HDGFL3: variants seen among roughly 807,000 people sequenced by gnomAD.
The protein encoded by HDGFL3 is HDGF like 3, also known as hepatoma-derived growth factor-related protein 3.
HDGFL3 carries 6 observed loss-of-function variants against 27.6 expected under a neutral mutation model. The observed-to-expected ratio is 0.22, with a 90% CI of 0.12 to 0.43. The LOEUF is 0.43. Among genes scored for constraint, HDGFL3 ranks in the 20% least tolerant of loss-of-function variants. HDGFL3 has a pLI of 1.00. For missense variants in HDGFL3, 207 were observed against 250.1 expected, an observed-to-expected ratio of 0.83 and a Z score of 1.16; for synonymous variants, 88 against 88.9, an observed-to-expected ratio of 0.99 and a Z score of 0.05.
chr15:83,145,883 TCC>T (rs2036881492), intron 5 of HDGFL3, among the ~76,000 whole-genome samples: 1 of 135,166 alleles, frequency 7.4e-6, no homozygotes, highest in Admixed American at 7.6e-5. Context: ...TCTCTCTCTC[TCC>T]CTTTCTTCTT....
chr15:83,191,630 C>T (rs1394858529), intron 1 of HDGFL3, among the ~76,000 whole-genome samples: 1 of 152,056 alleles, frequency 6.6e-6, no homozygotes, highest in Non-Finnish European at 1.5e-5. Context: ...TGTTATAAAC[C>T]TTGTCAATTT....
intron 3 of HDGFL3, among the ~76,000 whole-genome samples, chr15:83,119,146 A>G (rs1337731241): frequency 6.6e-6 from 1 of 152,138 alleles, no homozygotes; most frequent in Non-Finnish European, 1.5e-5. Flanking sequence ...CCAGCCCAGC[A>G]AGCCACGGGA....
chr15:83,175,274 G>A (rs1057334654), intron 1 of HDGFL3, among the ~76,000 whole-genome samples: 9 of 152,150 alleles, frequency 5.9e-5, no homozygotes, highest in African/African-American at 1.4e-4. Context: ...TTAACATTAC[G>A]TTGGTTCCCT....
At position 83,184,352 on chromosome 15, in the gene HDGFL3, CA is replaced by C. The variant is rs376517343; in HGVS notation, c.85-20278del. Among the ~76,000 whole-genome samples, 596 of 152,198 alleles carry C rather than the reference CA, an allele frequency of 3.9e-3. 7 individuals carry two copies. The highest frequency in any genetic ancestry group is 0.027 in the South Asian group (128 of 4,816). On this transcript the variant is annotated intron_variant, in intron 1 of 5. Transcript: ENST00000299633. ...TATTGTTGGATTTTATTTATCAGTC[CA>C]AAAGGAAACCATTTATGCTTGTACT...
intron 5 of HDGFL3, among the ~76,000 whole-genome samples, chr15:83,149,062 T>C (rs1169864433): frequency 6.6e-6 from 1 of 152,070 alleles, no homozygotes; most frequent in East Asian, 1.9e-4. Context: ...ATTTTGTATA[T>C]AACAAATATA....
chr15:83,127,453 G>A (rs1197589103), downstream of HDGFL3: 2 of 1,613,752 alleles, frequency 1.2e-6, no homozygotes, highest in Admixed American at 1.7e-5. Flanking sequence ...ACATCACATT[G>A]ATACATGCTG....
Position 83,136,666 on chromosome 15 carries a change from G to A in HDGFL3, c.*2604C>T. 2 of 1,590,176 alleles carry A rather than the reference G, an allele frequency of 1.3e-6. No homozygotes were observed. The highest frequency in any genetic ancestry group is 2.3e-5 in the South Asian group (2 of 86,174). ...TAAAAACAAAGGCAGAAGAAAAAGTGGAATAAAAATATTACTTCATGTTCC... is the reference window on the plus strand; with the variant it reads ...TAAAAACAAAGGCAGAAGAAAAAGTAGAATAAAAATATTACTTCATGTTCC... On this transcript the variant is annotated 3_prime_UTR_variant, in exon 6 of 6. Coordinates refer to ENST00000299633, the MANE Select transcript of HDGFL3 (RefSeq NM_016073.4).
chr15:83,133,585 C>A lies in HDGFL3; in HGVS notation c.*5685G>T, dbSNP rs186834163. 1 of 152,286 alleles carries A rather than the reference C, an allele frequency of 6.6e-6. No homozygotes were observed. The highest frequency in any genetic ancestry group is 1.5e-5 in the Non-Finnish European group (1 of 68,022). 9.4% of individuals were successfully genotyped at this position (152,286 alleles called of 1,614,324 possible). Reference sequence around the variant, plus strand: ...GGACTCAACCTCACATTGCTAAATTCTGGAGAAATTTCTAGGATCAACAAC... The same window carrying A: ...GGACTCAACCTCACATTGCTAAATTATGGAGAAATTTCTAGGATCAACAAC... On this transcript the variant is annotated 3_prime_UTR_variant, in exon 6 of 6. Transcript: ENST00000299633.
At position 83,158,039 on chromosome 15, in the gene HDGFL3, GC is replaced by G; in HGVS notation, c.163del (p.Ala55HisfsTer3). 1 of 1,605,584 alleles carries G rather than the reference GC, an allele frequency of 6.2e-7. No individual in the cohort carries two copies. The highest frequency in any genetic ancestry group is 8.5e-7 in the Non-Finnish European group (1 of 1,176,384). On this transcript the variant is annotated frameshift_variant and splice_region_variant, in exon 3 of 6. Coordinates refer to ENST00000299633, the MANE Select transcript of HDGFL3 (RefSeq NM_016073.4). LOFTEE classifies it high-confidence loss of function. ...PIFFFGTHET[A>X]FLGPKDLFPY... ...AAAAAGGTCTTTGGGACCTAGAAAT[GC>G]ACTGCAGAGACATATTAGAAATAGA...
rs1004939666 is a variant in HDGFL3 at position 83,138,912 on chromosome 15, A to G, written c.*358T>C. 2.3e-5 allele frequency: 4 copies of G among 172,478 alleles called. No individual in the cohort carries two copies. Among genetic ancestry groups the G allele is most frequent in the African/African-American group, 9.4e-5 (4 of 42,500 alleles). The allele number at this position is 172,478 out of a possible 1,614,324, so 10.7% of individuals were successfully genotyped here. A position where few individuals can be genotyped will look rare whatever the true frequency, so the allele number is the denominator to read the frequency against. On this transcript the variant is annotated 3_prime_UTR_variant, in exon 6 of 6. Coordinates refer to ENST00000299633, the MANE Select transcript of HDGFL3 (RefSeq NM_016073.4). ...ATCTAAAAAATGTTAATTTATATTT[A>G]ACTGAGTGTTTGATGATGGTGGGGT...
At chr15:83,185,455 C>G (rs1057043331) in intron 1 of HDGFL3, among the ~76,000 whole-genome samples, 2 of 152,204 alleles carry the variant, frequency 1.3e-5, no homozygotes, top group African/African-American at 2.4e-5. Context: ...GGTGACTGCA[C>G]TGGGATTGGC....
At chr15:83,173,549 T>C (rs1488966817) in intron 1 of HDGFL3, among the ~76,000 whole-genome samples, 1 of 151,968 alleles carries the variant, frequency 6.6e-6, no homozygotes, top group East Asian at 1.9e-4. Context: ...CTTTTACCAA[T>C]ATGTTTCTCT....
Position 83,134,224 on chromosome 15 carries a change from CT to C in HDGFL3, c.*5045del, listed in dbSNP as rs972449463. 508 of 144,270 alleles carry C rather than the reference CT, an allele frequency of 3.5e-3. No homozygotes were observed. The highest frequency in any genetic ancestry group is 3.8e-3 in the African/African-American group (151 of 39,658). The allele number at this position is 144,270 out of a possible 1,614,324, so 8.9% of individuals were successfully genotyped here. ...TACAATCTAATCTAAGGACATGAAT[CT>C]TTTTTTTTTTTTAAAGACAGAGTCT... On this transcript the variant is annotated 3_prime_UTR_variant, in exon 6 of 6. Transcript: ENST00000299633.
intron 3 of HDGFL3, among the ~76,000 whole-genome samples, chr15:83,118,141 C>T (rs2034854995): frequency 1.3e-5 from 2 of 151,958 alleles, no homozygotes; most frequent in Admixed American, 1.3e-4. Flanking sequence ...GCGGGAGGAT[C>T]GCTTGACGCC....
In HDGFL3 at chr15:83,135,955, T is replaced by G. The variant is rs1291998841; in HGVS notation, c.*3315A>C. ...ATAGGGAAAGGGTATGAGCTCTTGC[T>G]GCAAGGAGTAGATGAAAGACTGATA... On this transcript the variant is annotated 3_prime_UTR_variant, in exon 6 of 6. Coordinates refer to ENST00000299633, the MANE Select transcript of HDGFL3 (RefSeq NM_016073.4). The G allele has an allele frequency of 6.6e-6, 1 of 152,260 alleles. No individual in the cohort carries two copies. The highest frequency in any genetic ancestry group is 1.5e-5 in the Non-Finnish European group (1 of 68,086). 9.4% of individuals were successfully genotyped at this position (152,260 alleles called of 1,614,324 possible).
intron 1 of HDGFL3, chr15:83,185,167 G>A (rs1435667784): frequency 1.3e-5 from 2 of 152,390 alleles, no homozygotes; most frequent in Admixed American, 1.3e-4. Context: ...GGGATTACTG[G>A]CGCCCACCAC....
At chr15:83,197,655 G>C (rs1373711072) in intron 1 of HDGFL3, among the ~76,000 whole-genome samples, 1 of 152,130 alleles carries the variant, frequency 6.6e-6, no homozygotes, top group Non-Finnish European at 1.5e-5. Context: ...CCACAGTCTA[G>C]TCCCACAAAC....
rs907901852 is a variant in HDGFL3 at position 83,128,519 on chromosome 15, A to C, written c.*10751T>G. 6.6e-6 allele frequency: 1 copy of C among 152,002 alleles called. No individual in the cohort carries two copies. Among genetic ancestry groups the C allele is most frequent in the Non-Finnish European group, 1.5e-5 (1 of 67,990 alleles). The allele number at this position is 152,002 out of a possible 1,614,324, so 9.4% of individuals were successfully genotyped here. A position where few individuals can be genotyped will look rare whatever the true frequency, so the allele number is the denominator to read the frequency against. On this transcript the variant is annotated 3_prime_UTR_variant, in exon 6 of 6. Transcript: ENST00000299633. ...CCTGATTCCTCAGTCCTTGGGGTTT[A>C]TTTCTGTATTTTAGGTCTTTATCTT...
rs993490763 is a variant in HDGFL3, at chr15:83,120,587, CTTTTTT to C, written c.394-4852_394-4847del. 4.8e-5 allele frequency among the ~76,000 whole-genome samples: 6 copies of C among 125,944 alleles called. No individual in the cohort carries two copies. In the East Asian group the frequency reaches 7.2e-4, roughly 15 times the overall value. 82.6% of individuals were successfully genotyped at this position (125,944 alleles called of 152,430 possible). ...CACTCAAGGTCAGCTCCAGCTAATT[CTTTTTT>C]TTTTTTTTTTTTTTTGAGACAGGCT... On this transcript the variant is annotated intron_variant, in intron 3 of 3. Coordinates refer to the HDGFL3 transcript ENST00000568294.
Sources: allele counts gnomAD v4.1 joint callset (sites outside exome capture counted in the v4.1 genomes callset), GRCh38; gene constraint gnomAD v4.1.1; transcripts MANE v1.5; gene names NCBI Gene and HGNC (gene_info 2026-07-23, HGNC 2026-07-21).